ZNF560: variants seen among roughly 807,000 people sequenced by gnomAD.
The protein encoded by ZNF560 is zinc finger protein 560.
In ZNF560, 54 loss-of-function variants were observed where a neutral mutation model predicts 81.8. The ratio of observed to expected loss-of-function variants is 0.66; its 90% CI spans 0.53 to 0.83. The LOEUF (loss-of-function observed/expected upper bound fraction) is 0.83. Among genes scored for constraint, ZNF560 ranks in the 40% least tolerant of loss-of-function variants. The probability of loss-of-function intolerance (pLI) is 0.00; values close to 1 mark genes in which losing one functional copy is unlikely to be tolerated. For synonymous variants in ZNF560, 321 were observed against 317.9 expected, an observed-to-expected ratio of 1.01 and a Z score of -0.10; for missense variants, 940 against 932.4, an observed-to-expected ratio of 1.01 and a Z score of -0.11.
At chr19:9,476,965 C>T (rs557898121) in intron 2 of ZNF560, among the ~76,000 whole-genome samples, 1 of 152,088 alleles carries the variant, frequency 6.6e-6, no homozygotes, top group Non-Finnish European at 1.5e-5. Context: ...AAGTGGATAA[C>T]TGGCAATCTA....
the ZNF560 span, among the ~76,000 whole-genome samples, chr19:9,503,852 G>C: frequency 6.6e-6 from 1 of 152,064 alleles, no homozygotes; most frequent in East Asian, 1.9e-4. Context: ...TGCTTTAATT[G>C]ACAAATTTTC....
chr19:9,480,649 A>G (rs182329354), intron 2 of ZNF560, among the ~76,000 whole-genome samples: 2 of 149,994 alleles, frequency 1.3e-5, no homozygotes, highest in East Asian at 1.9e-4. Flanking sequence ...GGTGAAGAGA[A>G]AAAAAAAAAG....
chr19:9,446,179 T>G, the ZNF560 span, among the ~76,000 whole-genome samples: 1 of 152,064 alleles, frequency 6.6e-6, no homozygotes, highest in Non-Finnish European at 1.5e-5. Context: ...GTAAAACTAG[T>G]AAACTTACTG....
chr19:9,472,913 T>G (rs2073144854), intron 5 of ZNF560, among the ~76,000 whole-genome samples: 1 of 152,126 alleles, frequency 6.6e-6, no homozygotes, highest in South Asian at 2.1e-4. Context: ...CCAACTTCTC[T>G]TTTACTCCCT....
intron 2 of ZNF560, among the ~76,000 whole-genome samples, chr19:9,475,597 G>A (rs1189948859): frequency 6.6e-6 from 1 of 150,832 alleles, no homozygotes; most frequent in Non-Finnish European, 1.5e-5. Context: ...TCATTGCACA[G>A]GTAAAGAAAC....
intron 2 of ZNF560, among the ~76,000 whole-genome samples, chr19:9,482,933 G>A (rs768982841): frequency 5.9e-5 from 9 of 152,206 alleles, no homozygotes; most frequent in South Asian, 4.1e-4. Context: ...CCGAGGTGCC[G>A]GGATTGCAGA....
At chr19:9,505,070 T>A in the ZNF560 span, among the ~76,000 whole-genome samples, 2 of 152,276 alleles carry the variant, frequency 1.3e-5, no homozygotes, top group Non-Finnish European at 2.9e-5. Flanking sequence ...GGCGACATAG[T>A]GAGCCTTTGT....
the ZNF560 span, among the ~76,000 whole-genome samples, chr19:9,454,452 A>T: frequency 6.6e-5 from 10 of 152,202 alleles, no homozygotes; most frequent in Non-Finnish European, 1.2e-4. Flanking sequence ...CGATGGTTGG[A>T]GAACATGGAA....
intron 2 of ZNF560, among the ~76,000 whole-genome samples, chr19:9,493,824 A>T (rs1176486380): frequency 6.6e-6 from 1 of 152,198 alleles, no homozygotes; most frequent in Non-Finnish European, 1.5e-5. Flanking sequence ...GGAGAATATG[A>T]CTAAATTTCA....
At position 9,474,278 on chromosome 19, in the gene ZNF560, C is replaced by A. The variant is rs764722019; in HGVS notation, c.78G>T (p.Glu26Asp). ...TCTGAACTGGGTCCAGTAAAATCCA[C>A]TCCTCCTGGGTGAAGTCCACAGCTG... ...EDTAVDFTQE[E>D]WILLDPVQRN... The change falls in exon 4 of 10, where the codon GAG becomes GAT. Residue 26 changes from glutamate (E) to aspartate (D), a missense_variant. Physicochemically the swap from Glu to Asp is conservative, Grantham distance 45. Coordinates refer to ENST00000301480, the MANE Select transcript of ZNF560 (RefSeq NM_152476.3). 8.1e-6 allele frequency: 13 copies of A among 1,614,046 alleles called. No homozygotes were observed. The Admixed American group carries it at 8.3e-5, about 10-fold the overall frequency.
chr19:9,499,448 C>G (rs190594061), upstream of ZNF560, among the ~76,000 whole-genome samples: 473 of 152,348 alleles, frequency 3.1e-3, 2 homozygotes, highest in African/African-American at 0.011. Context: ...GCCCGCCCTG[C>G]ACTCCCGAAG....
chr19:9,469,486 G>C (rs1162210947), intron 8 of ZNF560, 144 bp downstream of exon 8: 2 of 706,586 alleles, frequency 2.8e-6, no homozygotes, highest in Non-Finnish European at 4.9e-6. Flanking sequence ...CAAAGCAATG[G>C]AGGATGAAAA....
chr19:9,471,247 C>G (rs367558022), intron 6 of ZNF560, 49 bp downstream of exon 6: 1 of 1,373,746 alleles, frequency 7.3e-7, no homozygotes, highest in Non-Finnish European at 1.0e-6. Context: ...TTGGAAGTCC[C>G]AATATTCTCT....
Position 9,467,965 on chromosome 19 carries a change from C to T in ZNF560, c.982G>A (p.Ala328Thr). 6.2e-7 allele frequency: 1 copy of T among 1,614,064 alleles called. No homozygotes were observed. The highest frequency in any genetic ancestry group is 1.1e-5 in the South Asian group (1 of 91,074). Residue 328 changes from alanine (A) to threonine (T), a missense_variant, in exon 10 of 10, where the codon GCA becomes ACA. Transcript: ENST00000301480. ...KLNEWKQCGEAFTHSTSHAVN... is the reference protein window; with the variant it reads ...KLNEWKQCGETFTHSTSHAVN... The stretch of plus-strand genomic sequence containing the variant: ...GCATGGCTTGTGGAGTGAGTAAATG[C>T]TTCCCCACATTGCTTCCATTCATTG...
At chr19:9,453,504 A>G in the ZNF560 span, among the ~76,000 whole-genome samples, 1 of 152,242 alleles carries the variant, frequency 6.6e-6, no homozygotes, top group African/African-American at 2.4e-5. Flanking sequence ...TGCAAAAGGT[A>G]TGCAACAGCA....
At chr19:9,453,501 G>A in the ZNF560 span, among the ~76,000 whole-genome samples, 1 of 151,926 alleles carries the variant, frequency 6.6e-6, no homozygotes, top group Non-Finnish European at 1.5e-5. Flanking sequence ...GTATGCAAAA[G>A]GTATGCAACA....
chr19:9,494,714 C>T (rs897185950), intron 2 of ZNF560, among the ~76,000 whole-genome samples: 25 of 150,024 alleles, frequency 1.7e-4, no homozygotes, highest in Non-Finnish European at 2.1e-4. Context: ...CCACCCTGGG[C>T]GACAAGAGCA....
downstream of ZNF560, among the ~76,000 whole-genome samples, chr19:9,461,893 G>C (rs1454546710): frequency 6.6e-6 from 1 of 152,194 alleles, no homozygotes; most frequent in East Asian, 1.9e-4. Context: ...CTTAATGCCA[G>C]GAACTGGAGT....
chr19:9,457,559 C>T, the ZNF560 span, among the ~76,000 whole-genome samples: 1 of 152,252 alleles, frequency 6.6e-6, no homozygotes, highest in Non-Finnish European at 1.5e-5. Flanking sequence ...TTTGTGCTTC[C>T]CCCACTCCGG....
Sources: gnomAD v4.1 joint callset for allele counts (sites outside exome capture counted in the v4.1 genomes callset) on GRCh38, gnomAD v4.1.1 for gene constraint, MANE v1.5 for transcripts, NCBI Gene and HGNC (gene_info 2026-07-23, HGNC 2026-07-21) for gene names.